The following PVT1 variants were observed in gnomAD, a reference collection of about 807,000 sequenced individuals.
The protein encoded by PVT1 is Pvt1 oncogene.
chr8:127,819,011 G>A (rs957445385), intron 2 of PVT1, among the ~76,000 whole-genome samples: 4 of 152,096 alleles, frequency 2.6e-5, no homozygotes, highest in East Asian at 1.9e-4. Flanking sequence ...AAGTGCTACC[G>A]CTCCTAGCTA....
At chr8:127,889,035 TCTTTCTTC>T (rs547606842) in intron 2 of PVT1, among the ~76,000 whole-genome samples, 12,357 of 100,418 alleles carry the variant, frequency 0.12, 1,050 homozygotes, top group African/African-American at 0.14. Flanking sequence ...TTTCTCTCTT[TCTTTCTTC>T]CTTCCTTCCT....
chr8:128,043,830 CT>C lies in PVT1; in HGVS notation n.913-26310del, dbSNP rs1158046188. On this transcript the variant is annotated intron_variant and non_coding_transcript_variant, in intron 4 of 10. Coordinates refer to ENST00000651587, the Ensembl canonical transcript of PVT1. ...TACACAAGGAGGCCAAACATCTTGT[CT>C]TTTTTTTTTTTTTTTTTTTAAAGAC... Among the ~76,000 whole-genome samples, 850 of 116,278 alleles carry C rather than the reference CT, an allele frequency of 7.3e-3. 10 individuals carry two copies. The highest frequency in any genetic ancestry group is 0.022 in the African/African-American group (670 of 30,450). 76.3% of individuals were successfully genotyped at this position (116,278 alleles called of 152,430 possible). A position where few individuals can be genotyped will look rare whatever the true frequency, so the allele number is the denominator to read the frequency against.
intron 5 of PVT1, among the ~76,000 whole-genome samples, chr8:128,085,106 G>T (rs1369899485): frequency 6.6e-6 from 1 of 152,166 alleles, no homozygotes; most frequent in African/African-American, 2.4e-5. Flanking sequence ...GCTCCTGCCT[G>T]GTTTTCTGAG....
intron 4 of PVT1, among the ~76,000 whole-genome samples, chr8:128,029,126 C>G (rs141973267): frequency 6.6e-6 from 1 of 151,922 alleles, no homozygotes; most frequent in African/African-American, 2.4e-5. Context: ...GACTACAGCA[C>G]CACCACCATG....
At chr8:127,976,867 A>C (rs898032872) in intron 3 of PVT1, among the ~76,000 whole-genome samples, 1 of 152,038 alleles carries the variant, frequency 6.6e-6, no homozygotes, top group Non-Finnish European at 1.5e-5. Context: ...CCTCTTTGTG[A>C]CTTGTGACCT....
intron 3 of PVT1, among the ~76,000 whole-genome samples, chr8:127,936,901 T>C (rs1342819855): frequency 2.0e-5 from 3 of 152,226 alleles, no homozygotes; most frequent in Admixed American, 6.5e-5. Flanking sequence ...GTGTCCTTGG[T>C]TGGATTCTCT....
chr8:127,864,633 C>T (rs954518701), intron 2 of PVT1, among the ~76,000 whole-genome samples: 1 of 152,104 alleles, frequency 6.6e-6, no homozygotes, highest in Non-Finnish European at 1.5e-5. Flanking sequence ...CTGCCAGCTC[C>T]GCCTCCCGGG....
intron 3 of PVT1, among the ~76,000 whole-genome samples, chr8:127,919,776 T>A (rs1221228732): frequency 1.3e-5 from 2 of 152,270 alleles, no homozygotes; most frequent in East Asian, 3.9e-4. Context: ...AGGTCAGAAG[T>A]GGAAGGAAAG....
At chr8:128,042,734 G>GTTTATTTTAT (rs57334940) in intron 4 of PVT1, among the ~76,000 whole-genome samples, 33,880 of 129,596 alleles carry the variant, frequency 0.26, 5,114 homozygotes, top group Middle Eastern at 0.33. Context: ...GGACTAGGTG[G>GTTTATTTTAT]TTTATTTTAT....
intron 2 of PVT1, among the ~76,000 whole-genome samples, chr8:127,812,942 A>G (rs936159667): frequency 6.6e-6 from 1 of 152,130 alleles, no homozygotes; most frequent in African/African-American, 2.4e-5. Flanking sequence ...AGCCCAGTCC[A>G]TGCATTTAGG....
chr8:127,815,241 A>G (rs1814646091), intron 2 of PVT1, among the ~76,000 whole-genome samples: 1 of 152,252 alleles, frequency 6.6e-6, no homozygotes, highest in Admixed American at 6.5e-5. Flanking sequence ...TGCTGGGATT[A>G]CAGGCATGAG....
At chr8:127,840,947 A>C (rs752169225) in intron 2 of PVT1, among the ~76,000 whole-genome samples, 3 of 152,248 alleles carry the variant, frequency 2.0e-5, no homozygotes, top group Non-Finnish European at 4.4e-5. Flanking sequence ...CAGTTCTGTC[A>C]GGTTCTGCTG....
chr8:127,855,509 C>T (rs1815151291), intron 2 of PVT1, among the ~76,000 whole-genome samples: 1 of 152,202 alleles, frequency 6.6e-6, no homozygotes, highest in Admixed American at 6.5e-5. Context: ...TTTCTGCTGG[C>T]CCTGGCAGAC....
chr8:127,970,656 CA>C (rs930947351), intron 3 of PVT1, among the ~76,000 whole-genome samples: 5 of 152,124 alleles, frequency 3.3e-5, no homozygotes, highest in African/African-American at 1.2e-4. Flanking sequence ...TAACAGGTGC[CA>C]GGGGGAAGAC....
chr8:127,807,169 A>G (rs1814537368), intron 2 of PVT1, among the ~76,000 whole-genome samples: 1 of 152,194 alleles, frequency 6.6e-6, no homozygotes, highest in Admixed American at 6.5e-5. Flanking sequence ...TTCGTGCTGT[A>G]TGTTACTTAA....
Position 127,855,251 on chromosome 8 carries a change from C to T in PVT1, n.373-35338C>T, listed in dbSNP as rs561899546. 4 of 398,752 alleles carry T rather than the reference C, an allele frequency of 1.0e-5. No homozygotes were observed. In the South Asian group the frequency reaches 5.1e-4, roughly 51 times the overall value. 24.7% of individuals were successfully genotyped at this position (398,752 alleles called of 1,614,324 possible). A position where few individuals can be genotyped will look rare whatever the true frequency, so the allele number is the denominator to read the frequency against. On this transcript the variant is annotated intron_variant and non_coding_transcript_variant, in intron 2 of 10. Transcript: ENST00000651587. ...TCACTGTGGATTGAGCCGGTGAAGC[C>T]CTGAGGGATTTCATCGCTGAGGTGG...
rs1034400558 is a variant in PVT1 at position 127,867,195 on chromosome 8, G to A, written n.373-23394G>A. Among the ~76,000 whole-genome samples, 4 of 152,388 alleles carry A rather than the reference G, an allele frequency of 2.6e-5. 1 individual carries two copies. The highest frequency in any genetic ancestry group is 6.5e-5 in the Admixed American group (1 of 15,314). ...GGCCAGGGATACTGCCTGGGCATGT[G>A]TTTGGCCTCAGCCAAGGTCAGGCTG... On this transcript the variant is annotated intron_variant and non_coding_transcript_variant, in intron 2 of 10. Transcript: ENST00000651587.
At chr8:127,863,933 G>A (rs1310847150) in intron 2 of PVT1, among the ~76,000 whole-genome samples, 1 of 152,204 alleles carries the variant, frequency 6.6e-6, no homozygotes, top group Non-Finnish European at 1.5e-5. Context: ...CCCCATGCCC[G>A]CTGGCATCAC....
intron 3 of PVT1, among the ~76,000 whole-genome samples, chr8:127,943,673 T>G (rs1335974987): frequency 6.6e-6 from 1 of 152,266 alleles, no homozygotes; most frequent in African/African-American, 2.4e-5. Flanking sequence ...TGTGGTGGTG[T>G]TGGTGGTGGT....
Sources: allele counts gnomAD v4.1 joint callset (sites outside exome capture counted in the v4.1 genomes callset), GRCh38; gene constraint gnomAD v4.1.1; transcripts MANE v1.5; gene names NCBI Gene and HGNC (gene_info 2026-07-23, HGNC 2026-07-21).